Variants in TPCN1 observed in about 807,000 individuals in gnomAD.
TPCN1 encodes the protein two pore segment channel 1.
In TPCN1, 52 loss-of-function variants were observed where a neutral mutation model predicts 108.8. The ratio of observed to expected loss-of-function variants is 0.48; its 90% CI spans 0.38 to 0.60. The LOEUF is 0.60. Among genes scored for constraint, TPCN1 ranks in the 20% least tolerant of loss-of-function variants. The pLI, the probability that TPCN1 is intolerant of heterozygous loss-of-function variation, is 0.00. For synonymous variants in TPCN1, 446 were observed against 433.7 expected (o/e 1.03, Z -0.35); for missense variants, 806 against 1,072.8 (o/e 0.75, Z 3.47).
At chr12:113,285,844 G>A (rs768497924) in intron 17 of TPCN1, 45 bp from the exon 18 acceptor site, 14 of 1,532,844 alleles carry the variant, frequency 9.1e-6, no homozygotes, top group Non-Finnish European at 1.3e-5. Context: ...GAGCATGGGG[G>A]AGGATGTGGC....
At position 113,288,076 on chromosome 12, in the gene TPCN1, G is replaced by A. The variant is rs936608176; in HGVS notation, c.1635-87G>A. 10 of 1,319,324 alleles carry A rather than the reference G, an allele frequency of 7.6e-6. No individual in the cohort carries two copies. The highest frequency in any genetic ancestry group is 7.2e-5 in the African/African-American group (5 of 69,042). The allele number at this position is 1,319,324 out of a possible 1,614,324, so 81.7% of individuals were successfully genotyped here. On this transcript the variant is annotated intron_variant, in intron 19 of 27. Coordinates refer to ENST00000335509, the MANE Select transcript of TPCN1 (RefSeq NM_017901.6). This position sits in a 1 kb window ranked among gnomAD's most constrained non-coding sequence, Gnocchi z 4.8. ...CCCTCACCTGTCTTCACCGCATGGC[G>A]TGTGGAAGGCGGGGCCGGCATGTTC...
intron 25 of TPCN1, chr12:113,292,656 C>A: frequency 2.7e-6 from 1 of 364,650 alleles, no homozygotes; most frequent in Non-Finnish European, 5.0e-6. Flanking sequence ...GATCTCTGTG[C>A]TATCAGACCA....
In TPCN1 at chr12:113,289,368, A is replaced by G. The variant is rs543527590; in HGVS notation, c.1796+521A>G. Among the ~76,000 whole-genome samples the G allele has an allele frequency of 6.6e-6, 1 of 152,346 alleles. No individual in the cohort carries two copies. The highest frequency in any genetic ancestry group is 2.4e-5 in the African/African-American group (1 of 41,574). On this transcript the variant is annotated intron_variant, in intron 21 of 27. Coordinates refer to ENST00000335509, the MANE Select transcript of TPCN1 (RefSeq NM_017901.6). The surrounding 1 kb of genome is among the most constrained non-coding windows in gnomAD (Gnocchi z 4.1). ...TCCTCAATTCAGAGAGTCCTCTTACATTTGGTCTTTACAGCCTCAAGCACC... is the reference window on the plus strand; with the variant it reads ...TCCTCAATTCAGAGAGTCCTCTTACGTTTGGTCTTTACAGCCTCAAGCACC...
rs1593215731 is a variant in TPCN1 at position 113,291,835 on chromosome 12, C to T, written c.2029-39C>T. 2.7e-6 allele frequency: 4 copies of T among 1,491,354 alleles called. 1 individual carries two copies. In the African/African-American group the frequency reaches 5.5e-5, roughly 21 times the overall value. The allele number at this position is 1,491,354 out of a possible 1,614,324, so 92.4% of individuals were successfully genotyped here. Reference sequence around the variant, plus strand: ...CAGCCACGGACACCTACCCACCCTCCTCCCCTGCCTCTGCCCCTCCCTCCC... The same window carrying T: ...CAGCCACGGACACCTACCCACCCTCTTCCCCTGCCTCTGCCCCTCCCTCCC... On this transcript the variant is annotated intron_variant, in intron 24 of 27. Coordinates refer to ENST00000335509, the MANE Select transcript of TPCN1 (RefSeq NM_017901.6).
rs1467510486 is a variant in TPCN1 at position 113,268,386 on chromosome 12, T to C, written c.529-356T>C. Among the ~76,000 whole-genome samples, 1 of 152,188 alleles carries C rather than the reference T, an allele frequency of 6.6e-6. No individual in the cohort carries two copies. The highest frequency in any genetic ancestry group is 1.5e-5 in the Non-Finnish European group (1 of 68,036). ...AGTGTGTGGAGCATGTGCGCTACTC[T>C]AGGAGAATATAGCCAAGTAAGCAGA... On this transcript the variant is annotated intron_variant, in intron 5 of 27. Coordinates refer to ENST00000335509, the MANE Select transcript of TPCN1 (RefSeq NM_017901.6). The surrounding 1 kb of genome is among the most constrained non-coding windows in gnomAD (Gnocchi z 7.3).
rs182374391 is a variant in TPCN1 at position 113,273,013 on chromosome 12, C to T, written c.784-219C>T. ...ACATGTGACTCCCTAGAAAAAAGTCCCCCCAAGTCAATAGTTTGCTTCTGC... is the reference window on the plus strand; with the variant it reads ...ACATGTGACTCCCTAGAAAAAAGTCTCCCCAAGTCAATAGTTTGCTTCTGC... On this transcript the variant is annotated intron_variant, in intron 8 of 27. Transcript: ENST00000335509. The surrounding 1 kb of genome is among the most constrained non-coding windows in gnomAD (Gnocchi z 4.0). 1.5e-4 allele frequency among the ~76,000 whole-genome samples: 23 copies of T among 152,310 alleles called. No homozygotes were observed. Among genetic ancestry groups the T allele is most frequent in the Non-Finnish European group, 2.5e-4 (17 of 68,028 alleles).
At chr12:113,282,087 A>ATT (rs1247829773) in intron 15 of TPCN1, among the ~76,000 whole-genome samples, 1,379 of 92,044 alleles carry the variant, frequency 0.015, 66 homozygotes, top group East Asian at 0.12. Flanking sequence ...CACCCGGCTA[A>ATT]TTTTTTTTTT....
intron 2 of TPCN1, among the ~76,000 whole-genome samples, chr12:113,259,053 T>C (rs1443599436): frequency 6.6e-6 from 1 of 151,826 alleles, no homozygotes; most frequent in East Asian, 1.9e-4. Flanking sequence ...TTTGGCTCAC[T>C]GCAACCTCCG....
intron 14 of TPCN1, among the ~76,000 whole-genome samples, chr12:113,279,371 A>ATGTGTGTGTGTG (rs1566189271): frequency 4.8e-5 from 1 of 20,898 alleles, no homozygotes; most frequent in African/African-American, 2.5e-4. Flanking sequence ...ATATATATAT[A>ATGTGTGTGTGTG]TATATATATA....
chr12:113,223,354 G>A (rs958578475), intron 1 of TPCN1, among the ~76,000 whole-genome samples: 8 of 152,002 alleles, frequency 5.3e-5, no homozygotes, highest in South Asian at 2.1e-4. Context: ...GGCAAAGTGG[G>A]TTGAGCCCAG....
Position 113,264,571 on chromosome 12 carries a change from C to T in TPCN1, c.238-1609C>T, listed in dbSNP as rs77485704. ...GTGCACGCCTGTCATTCCAGCTACC[C>T]GGGAGGCTGAGGCAAGAGAATTGCT... On this transcript the variant is annotated intron_variant, in intron 3 of 27. Transcript: ENST00000335509. Among the ~76,000 whole-genome samples the T allele has an allele frequency of 6.9e-3, 1,047 of 151,744 alleles. 45 individuals carry two copies. In the East Asian group the frequency reaches 0.14, roughly 20 times the overall value.
chr12:113,243,331 TTG>T (rs1954222460), intron 2 of TPCN1, among the ~76,000 whole-genome samples: 1 of 148,878 alleles, frequency 6.7e-6, no homozygotes, highest in South Asian at 2.1e-4. Context: ...GATCGTGCCA[TTG>T]CACTTTAGCC....
At chr12:113,291,235 A>C (rs1035760117) in intron 23 of TPCN1, among the ~76,000 whole-genome samples, 4 of 152,166 alleles carry the variant, frequency 2.6e-5, no homozygotes, top group African/African-American at 9.7e-5. Flanking sequence ...CCCAGCAGCC[A>C]GGAGATGCCA....
intron 2 of TPCN1, among the ~76,000 whole-genome samples, chr12:113,244,019 A>G: frequency 6.6e-6 from 1 of 151,616 alleles, no homozygotes; most frequent in South Asian, 2.1e-4. Context: ...TGTCTTTCAC[A>G]CTCCATTTAT....
intron 2 of TPCN1, among the ~76,000 whole-genome samples, chr12:113,257,542 T>C (rs1042342525): frequency 7.3e-5 from 11 of 151,502 alleles, no homozygotes; most frequent in African/African-American, 2.4e-4. Context: ...TTGGTGGAGA[T>C]GTGGAGGAAC....
In TPCN1 at chr12:113,289,299, C is replaced by T. The variant is rs1050974504; in HGVS notation, c.1796+452C>T. ...AATCTCCCATGAGCACTCCCTTTCT[C>T]CTGAGCCGCCACAGTGAAATCACTG... On this transcript the variant is annotated intron_variant, in intron 21 of 27. Coordinates refer to ENST00000335509, the MANE Select transcript of TPCN1 (RefSeq NM_017901.6). This position sits in a 1 kb window ranked among gnomAD's most constrained non-coding sequence, Gnocchi z 4.1. 1.5e-4 allele frequency among the ~76,000 whole-genome samples: 23 copies of T among 152,242 alleles called. No homozygotes were observed. The highest frequency in any genetic ancestry group is 5.5e-4 in the African/African-American group (23 of 41,466).
chr12:113,277,947 C>G (rs190269476), intron 12 of TPCN1, among the ~76,000 whole-genome samples: 2 of 152,148 alleles, frequency 1.3e-5, no homozygotes, highest in African/African-American at 4.8e-5. Context: ...TGACACTGTC[C>G]GTAGTTAGTG....
rs1953695210 is a variant in TPCN1, at chr12:113,231,791, A to T, written c.112+4827A>T. On this transcript the variant is annotated intron_variant, in intron 2 of 27. Transcript: ENST00000335509. This position sits in a 1 kb window ranked among gnomAD's most constrained non-coding sequence, Gnocchi z 4.3. ...ACAGGCAGCATGGTGTCAGGTTGAT[A>T]AAGGAGGCAGGTATGAGCAGAGGTA... 6.6e-6 allele frequency among the ~76,000 whole-genome samples: 1 copy of T among 152,178 alleles called. No individual in the cohort carries two copies. The highest frequency in any genetic ancestry group is 6.5e-5 in the Admixed American group (1 of 15,278).
At chr12:113,252,845 T>A (rs1251257503) in intron 2 of TPCN1, among the ~76,000 whole-genome samples, 1 of 152,200 alleles carries the variant, frequency 6.6e-6, no homozygotes, top group Non-Finnish European at 1.5e-5. Context: ...CTTTCAGAAA[T>A]GAGCATTGGG....
Sources: allele counts gnomAD v4.1 joint callset (sites outside exome capture counted in the v4.1 genomes callset), GRCh38; gene constraint gnomAD v4.1.1; non-coding constraint Gnocchi (gnomAD v3.1); transcripts MANE v1.5; gene names NCBI Gene and HGNC (gene_info 2026-07-23, HGNC 2026-07-21).